The following HNF4G variants were observed in gnomAD, a reference collection of about 807,000 sequenced individuals.
The protein encoded by HNF4G is hepatocyte nuclear factor 4 gamma, also known as hepatocyte nuclear factor 4-gamma.
Under a neutral mutation model 50.9 loss-of-function variants are expected in HNF4G, and 21 were observed. That is an observed-to-expected ratio of 0.41 (90% CI 0.29 to 0.59). The LOEUF (loss-of-function observed/expected upper bound fraction) is 0.59. Among genes scored for constraint, HNF4G ranks in the 20% least tolerant of loss-of-function variants. The pLI is 0.26. For missense variants in HNF4G, 527 were observed against 559.4 expected (o/e 0.94, Z 0.58); for synonymous variants, 198 against 185.6 (o/e 1.07, Z -0.54).
Position 75,497,008 on chromosome 8 carries a change from A to G in HNF4G, c.-24+6800A>G, listed in dbSNP as rs75943536. Among the ~76,000 whole-genome samples the G allele has an allele frequency of 1.4e-3, 212 of 152,216 alleles. 1 individual carries two copies. The highest frequency in any genetic ancestry group is 4.4e-3 in the African/African-American group (184 of 41,546). ...GATATTTCCTCAGTTCCAATGCCCTATGATTCAGAAAAACCTAGTTGAGTA... is the reference window on the plus strand; with the variant it reads ...GATATTTCCTCAGTTCCAATGCCCTGTGATTCAGAAAAACCTAGTTGAGTA... On this transcript the variant is annotated intron_variant, in intron 2 of 10. Coordinates refer to the HNF4G transcript ENST00000354370.
At chr8:75,539,753 A>G (rs74857252), upstream of HNF4G, 488 of 437,432 alleles carry the variant, frequency 1.1e-3, 3 homozygotes, top group East Asian at 0.018. Context: ...ATCACAAGGA[A>G]TTGCTTTCAT....
chr8:75,478,870 C>G (rs879257856), intron 1 of HNF4G, among the ~76,000 whole-genome samples: 1 of 152,084 alleles, frequency 6.6e-6, no homozygotes, highest in Admixed American at 6.5e-5. Context: ...ATTGCAGGCA[C>G]GTGCCACCAC....
upstream of HNF4G, among the ~76,000 whole-genome samples, chr8:75,538,962 T>G (rs1806539305): frequency 6.6e-6 from 1 of 152,218 alleles, no homozygotes; most frequent in Non-Finnish European, 1.5e-5. Context: ...GAATTTATAA[T>G]GTAAATGGGG....
chr8:75,541,457 A>G lies in HNF4G; in HGVS notation c.118+1377A>G, dbSNP rs150887262. 2.0e-5 allele frequency among the ~76,000 whole-genome samples: 3 copies of G among 152,236 alleles called. No individual in the cohort carries two copies. The East Asian group carries it at 5.8e-4, about 29-fold the overall frequency. On this transcript the variant is annotated intron_variant, in intron 1 of 9. Coordinates refer to ENST00000396423, the MANE Select transcript of HNF4G (RefSeq NM_004133.5). ...GTTTTGTTAATGTTACCAGAAGAAA[A>G]ATGTTTAGCATTTTAATCCTATGTC...
chr8:75,443,043 G>A (rs1811324159), intron 1 of HNF4G, among the ~76,000 whole-genome samples: 1 of 152,168 alleles, frequency 6.6e-6, no homozygotes, highest in Non-Finnish European at 1.5e-5. Context: ...CCTTTAGGAG[G>A]TGATTAAGTC....
chr8:75,474,841 G>C (rs1812203731), intron 1 of HNF4G, among the ~76,000 whole-genome samples: 1 of 151,790 alleles, frequency 6.6e-6, no homozygotes, highest in Admixed American at 6.6e-5. Context: ...GGTATTACAG[G>C]TGCCTGCCAC....
chr8:75,553,908 AC>A (rs1197082969), intron 5 of HNF4G, among the ~76,000 whole-genome samples: 2 of 152,142 alleles, frequency 1.3e-5, no homozygotes, highest in Non-Finnish European at 2.9e-5. Flanking sequence ...TCCTAATTGT[AC>A]TATAAAGATA....
chr8:75,494,543 G>T (rs552497174), intron 2 of HNF4G, among the ~76,000 whole-genome samples: 2 of 152,002 alleles, frequency 1.3e-5, no homozygotes. Flanking sequence ...TTTATTGAAC[G>T]TAATAAATAA....
intron 5 of HNF4G, among the ~76,000 whole-genome samples, chr8:75,554,545 ATT>A (rs1807059280): frequency 6.6e-6 from 1 of 152,148 alleles, no homozygotes; most frequent in African/African-American, 2.4e-5. Flanking sequence ...GACAGGTGTT[ATT>A]ATCTCCATTT....
chr8:75,485,060 C>A (rs1397475749), intron 1 of HNF4G, among the ~76,000 whole-genome samples: 1 of 152,098 alleles, frequency 6.6e-6, no homozygotes, highest in Non-Finnish European at 1.5e-5. Flanking sequence ...AAATGGTCAA[C>A]TTTGTAGGTC....
chr8:75,546,907 T>C (rs546203737), intron 2 of HNF4G, among the ~76,000 whole-genome samples: 1 of 152,306 alleles, frequency 6.6e-6, no homozygotes, highest in South Asian at 2.1e-4. Context: ...CGCTGGGTTA[T>C]ACTATAACTT....
chr8:75,440,951 G>C (rs1365741661), intron 1 of HNF4G, among the ~76,000 whole-genome samples: 2 of 152,072 alleles, frequency 1.3e-5, no homozygotes, highest in Middle Eastern at 3.4e-3. Flanking sequence ...TCAACCTCTT[G>C]GGCTCCAGTG....
At chr8:75,551,828 A>G (rs73690965) in intron 4 of HNF4G, among the ~76,000 whole-genome samples, 11,510 of 152,282 alleles carry the variant, frequency 0.076, 633 homozygotes, top group African/African-American at 0.15. Context: ...CTGTACAACC[A>G]GCTACCACAA....
chr8:75,508,165 A>T (rs1333411322), intron 2 of HNF4G, among the ~76,000 whole-genome samples: 1 of 152,212 alleles, frequency 6.6e-6, no homozygotes, highest in African/African-American at 2.4e-5. Flanking sequence ...TTTTCTGTAT[A>T]CAGAAAAATC....
At chr8:75,488,904 G>A (rs1445437594) in intron 1 of HNF4G, among the ~76,000 whole-genome samples, 1 of 152,076 alleles carries the variant, frequency 6.6e-6, no homozygotes, top group Non-Finnish European at 1.5e-5. Flanking sequence ...GAAGTAGGAG[G>A]GATTTAATTC....
intron 2 of HNF4G, among the ~76,000 whole-genome samples, chr8:75,497,214 T>G (rs1210511602): frequency 6.6e-6 from 1 of 152,128 alleles, no homozygotes; most frequent in Non-Finnish European, 1.5e-5. Context: ...TTTGTGTTTT[T>G]GGGTCATTAA....
chr8:75,510,129 G>A (rs2130723716), intron 2 of HNF4G, among the ~76,000 whole-genome samples: 1 of 151,982 alleles, frequency 6.6e-6, no homozygotes, highest in South Asian at 2.1e-4. Context: ...CCCTGTGTAG[G>A]CCTAGACTAA....
chr8:75,434,008 T>C (rs1478182622), intron 1 of HNF4G, among the ~76,000 whole-genome samples: 4 of 148,822 alleles, frequency 2.7e-5, no homozygotes, highest in African/African-American at 9.8e-5. Context: ...TTTTCTTTTT[T>C]TTTTTTTTTT....
At chr8:75,409,063 G>A (rs1200250779) in intron 1 of HNF4G, among the ~76,000 whole-genome samples, 1 of 152,090 alleles carries the variant, frequency 6.6e-6, no homozygotes, top group African/African-American at 2.4e-5. Context: ...TTCATGTCCT[G>A]TGGATACTCT....
Sources: allele counts gnomAD v4.1 joint callset (sites outside exome capture counted in the v4.1 genomes callset), GRCh38; gene constraint gnomAD v4.1.1; transcripts MANE v1.5; gene names NCBI Gene and HGNC (gene_info 2026-07-23, HGNC 2026-07-21).